TMTC2: variants seen among roughly 807,000 people sequenced by gnomAD.
The protein encoded by TMTC2 is transmembrane O-mannosyltransferase targeting cadherins 2, also known as protein O-mannosyl-transferase TMTC2.
Under a neutral mutation model 82.4 loss-of-function variants are expected in TMTC2, and 43 were observed. That is an observed-to-expected ratio of 0.52 (90% CI 0.41 to 0.67). The LOEUF is 0.67. TMTC2 is among the 30% of genes least tolerant of loss of function. The pLI is 0.00. For missense variants in TMTC2, 919 were observed against 1,012.4 expected, an observed-to-expected ratio of 0.91 and a Z score of 1.25; for synonymous variants, 408 against 381.9, an observed-to-expected ratio of 1.07 and a Z score of -0.80.
chr12:82,894,861 G>T (rs754473382), intron 2 of TMTC2, among the ~76,000 whole-genome samples: 2 of 151,902 alleles, frequency 1.3e-5, no homozygotes, highest in Admixed American at 6.6e-5. Context: ...GTGCAGTGGT[G>T]CAATCTCAGC....
chr12:82,965,650 A>G lies in TMTC2; in HGVS notation c.1775A>G (p.Asp592Gly). The change falls in exon 6 of 12, where the codon GAT (aspartate) becomes GGT (glycine). Residue 592 changes from aspartate to glycine, a missense_variant. By Grantham distance (94) the Asp-to-Gly change is moderately conservative (BLOSUM62 -1). Coordinates refer to ENST00000321196, the MANE Select transcript of TMTC2 (RefSeq NM_152588.3). ...TTCTTAAAGTGTTCGGAGATCCCAGATGAAAACCTAAAGGACCCTCATGCA... is the reference window on the plus strand; with the variant it reads ...TTCTTAAAGTGTTCGGAGATCCCAGGTGAAAACCTAAAGGACCCTCATGCA... The part of the protein sequence containing the change: ...RTFLKCSEIP[D>G]ENLKDPHAHK... 1 of 1,613,860 alleles carries G rather than the reference A, an allele frequency of 6.2e-7. No homozygotes were observed. Among genetic ancestry groups the G allele is most frequent in the Non-Finnish European group, 8.5e-7 (1 of 1,179,796 alleles).
At chr12:83,036,026 A>C (rs147162089) in intron 9 of TMTC2, among the ~76,000 whole-genome samples, 1 of 152,314 alleles carries the variant, frequency 6.6e-6, no homozygotes, top group Admixed American at 6.5e-5. Context: ...AAATACTCTT[A>C]TATACAACTC....
chr12:82,820,549 A>G (rs1869032471), intron 1 of TMTC2, among the ~76,000 whole-genome samples: 1 of 151,790 alleles, frequency 6.6e-6, no homozygotes, highest in African/African-American at 2.4e-5. Flanking sequence ...TAATTTTTGT[A>G]TTTTTAGTGG....
chr12:83,094,410 G>A (rs1883953649), intron 11 of TMTC2, among the ~76,000 whole-genome samples: 1 of 152,204 alleles, frequency 6.6e-6, no homozygotes, highest in Non-Finnish European at 1.5e-5. Flanking sequence ...TATAAATCTT[G>A]AGATCTATAG....
chr12:82,735,691 G>C (rs966582801), intron 1 of TMTC2, among the ~76,000 whole-genome samples: 1 of 151,544 alleles, frequency 6.6e-6, no homozygotes, highest in South Asian at 2.1e-4. Flanking sequence ...TCTTGGTCGG[G>C]TGCGGTGGCT....
intron 11 of TMTC2, among the ~76,000 whole-genome samples, chr12:83,062,808 A>G (rs1265958718): frequency 6.6e-6 from 1 of 151,830 alleles, no homozygotes; most frequent in African/African-American, 2.4e-5. Context: ...GGGAGCACAA[A>G]GAGGAGGATT....
At chr12:82,795,651 A>T (rs1878683500) in intron 1 of TMTC2, among the ~76,000 whole-genome samples, 1 of 152,072 alleles carries the variant, frequency 6.6e-6, no homozygotes. Context: ...ACCCTTAGAA[A>T]AAAAAAGGCT....
At position 83,113,775 on chromosome 12, in the gene TMTC2, C is replaced by T. The variant is rs1034963006; in HGVS notation, c.2332-18435C>T. Among the ~76,000 whole-genome samples the T allele has an allele frequency of 3.9e-5, 6 of 152,200 alleles. No homozygotes were observed. The East Asian group carries it at 1.2e-3, about 29-fold the overall frequency. Reference sequence around the variant, plus strand: ...AAAGTGCAAATAGAATGCGATGCATCAGTCAGTATGTTTACATTTTACTTT... The same window carrying T: ...AAAGTGCAAATAGAATGCGATGCATTAGTCAGTATGTTTACATTTTACTTT... On this transcript the variant is annotated intron_variant, in intron 11 of 11. Coordinates refer to ENST00000321196, the MANE Select transcript of TMTC2 (RefSeq NM_152588.3).
chr12:82,917,524 T>C (rs1319044703), intron 3 of TMTC2, among the ~76,000 whole-genome samples: 1 of 152,106 alleles, frequency 6.6e-6, no homozygotes, highest in Admixed American at 6.5e-5. Flanking sequence ...TAATGTAAGC[T>C]CATTTGTTAT....
chr12:82,905,414 GTTAA>G (rs1874240583), intron 3 of TMTC2, among the ~76,000 whole-genome samples: 2 of 152,152 alleles, frequency 1.3e-5, no homozygotes, highest in South Asian at 4.1e-4. Context: ...GACTATGGTG[GTTAA>G]TTGTTTGAAA....
chr12:82,707,678 C>G lies in TMTC2; in HGVS notation c.83+20009C>G, dbSNP rs575535333. On this transcript the variant is annotated intron_variant, in intron 1 of 11. Coordinates refer to ENST00000321196, the MANE Select transcript of TMTC2 (RefSeq NM_152588.3). ...AAGGCCTTGTTCCTGCACTTACAGT[C>G]TGGCATATGAGTGGAAAGGAGGCAG... Among the ~76,000 whole-genome samples, 46 of 152,288 alleles carry G rather than the reference C, an allele frequency of 3.0e-4. No individual in the cohort carries two copies. In the South Asian group the frequency reaches 7.5e-3, roughly 25 times the overall value.
At chr12:82,855,335 C>A (rs1359967082) in intron 1 of TMTC2, among the ~76,000 whole-genome samples, 2 of 152,154 alleles carry the variant, frequency 1.3e-5, no homozygotes, top group Non-Finnish European at 2.9e-5. Flanking sequence ...AACGTTTTCC[C>A]TGAATCCAGA....
In TMTC2 at chr12:83,127,555, C is replaced by T. The variant is rs117771209; in HGVS notation, c.2332-4655C>T. On this transcript the variant is annotated intron_variant, in intron 11 of 11. Coordinates refer to ENST00000321196, the MANE Select transcript of TMTC2 (RefSeq NM_152588.3). Reference sequence around the variant, plus strand: ...CTGGGACCCACTCAGTTCGTCTTTTCGGAGTTCTACATTACTCCTGATCCC... The same window carrying T: ...CTGGGACCCACTCAGTTCGTCTTTTTGGAGTTCTACATTACTCCTGATCCC... 7.9e-5 allele frequency among the ~76,000 whole-genome samples: 12 copies of T among 152,240 alleles called. No homozygotes were observed. The East Asian group carries it at 1.9e-3, about 25-fold the overall frequency.
intron 8 of TMTC2, among the ~76,000 whole-genome samples, chr12:82,991,235 G>C (rs1007947153): frequency 6.9e-6 from 1 of 144,084 alleles, no homozygotes; most frequent in Admixed American, 6.9e-5. Context: ...TTTTAAGTGT[G>C]GAGTTTTTTT....
chr12:82,873,207 A>C (rs1872295421), intron 2 of TMTC2, among the ~76,000 whole-genome samples: 1 of 127,558 alleles, frequency 7.8e-6, no homozygotes, highest in African/African-American at 3.5e-5. Flanking sequence ...CCCTGTTTCA[A>C]AGATGTTGTG....
intron 4 of TMTC2, among the ~76,000 whole-genome samples, chr12:82,956,091 A>G (rs1272318743): frequency 6.6e-6 from 1 of 152,152 alleles, no homozygotes; most frequent in African/African-American, 2.4e-5. Flanking sequence ...AGTTGTAAAC[A>G]TGGAAACAAA....
At chr12:83,037,236 G>A (rs992277436) in intron 9 of TMTC2, among the ~76,000 whole-genome samples, 3 of 152,208 alleles carry the variant, frequency 2.0e-5, no homozygotes, top group Admixed American at 1.3e-4. Flanking sequence ...AGCACTGAAA[G>A]TAGAGGCTTG....
intron 1 of TMTC2, among the ~76,000 whole-genome samples, chr12:82,719,674 T>TTC (rs965775112): frequency 6.7e-6 from 1 of 149,528 alleles, no homozygotes; most frequent in African/African-American, 2.5e-5. Flanking sequence ...TCTCTGTCTT[T>TTC]TTTTTTTTTT....
At chr12:82,704,727 T>C (rs1397862641) in intron 1 of TMTC2, among the ~76,000 whole-genome samples, 1 of 152,056 alleles carries the variant, frequency 6.6e-6, no homozygotes, top group Non-Finnish European at 1.5e-5. Context: ...ATTACTTCAG[T>C]TGTAGCTAAT....
Sources: allele counts gnomAD v4.1 joint callset (sites outside exome capture counted in the v4.1 genomes callset), GRCh38; gene constraint gnomAD v4.1.1; transcripts MANE v1.5; gene names NCBI Gene and HGNC (gene_info 2026-07-23, HGNC 2026-07-21).